Variants in CC2D1A observed in about 807,000 individuals in gnomAD.
The protein encoded by CC2D1A is coiled-coil and C2 domain-containing protein 1A.
CC2D1A carries 68 observed loss-of-function variants against 123.8 expected under a neutral mutation model. That is an observed-to-expected ratio of 0.55 (90% CI 0.45 to 0.67). The LOEUF is 0.67. Among genes scored for constraint, CC2D1A ranks in the 30% least tolerant of loss-of-function variants. The pLI, the probability that CC2D1A is intolerant of heterozygous loss-of-function variation, is 0.00. For synonymous variants in CC2D1A, 477 were observed against 528.0 expected (o/e 0.90, Z 1.32); for missense variants, 1,185 against 1,290.3 (o/e 0.92, Z 1.25).
Position 13,930,670 on chromosome 19 carries a change from G to T in CC2D1A, c.*275G>T. ...GGGTGTCCGGCCTCTGGCCCGCCCC[G>T]GAGCAGGGAGGGTGGCTGGGGCCAA... On this transcript the variant is annotated 3_prime_UTR_variant, in exon 29 of 29. Transcript: ENST00000318003. This position sits in a 1 kb window ranked among gnomAD's most constrained non-coding sequence, Gnocchi z 6.8. The T allele has an allele frequency of 2.0e-6, 1 of 503,394 alleles. No individual in the cohort carries two copies. Among genetic ancestry groups the T allele is most frequent in the Non-Finnish European group, 3.5e-6 (1 of 286,778 alleles). The allele number at this position is 503,394 out of a possible 1,614,324, so 31.2% of individuals were successfully genotyped here.
chr19:13,912,460 G>A (rs757909953), intron 3 of CC2D1A, 22 bp downstream of exon 3: 3 of 1,613,824 alleles, frequency 1.9e-6, no homozygotes, highest in South Asian at 2.2e-5. Flanking sequence ...GGGCGGGGTG[G>A]GGGCTCTGAT....
Position 13,918,923 on chromosome 19 carries a change from C to A in CC2D1A, c.1030C>A (p.Pro344Thr). 1.2e-6 allele frequency: 2 copies of A among 1,609,448 alleles called. No individual in the cohort carries two copies. Among genetic ancestry groups the A allele is most frequent in the Non-Finnish European group, 1.7e-6 (2 of 1,177,244 alleles). ...TAPSTTEVPP[P>T]PRTLLEALEQ... is the part of the protein sequence containing the mutation. ...CCTGTCCGGCCCAGAGGTGCCCCCA[C>A]CCCCGAGGACCCTGCTGGAGGCGCT... is the stretch of plus-strand genomic sequence containing the variant. Residue 344 changes from proline to threonine, a missense_variant, in exon 10 of 29, where the codon CCC (proline) becomes ACC (threonine). Coordinates refer to ENST00000318003, the MANE Select transcript of CC2D1A (RefSeq NM_017721.5).
intron 6 of CC2D1A, among the ~76,000 whole-genome samples, chr19:13,915,205 C>A (rs1356455872): frequency 1.3e-5 from 2 of 152,246 alleles, no homozygotes; most frequent in Non-Finnish European, 2.9e-5. Flanking sequence ...TAACAAAATT[C>A]TGTGTCTTCC....
intron 6 of CC2D1A, among the ~76,000 whole-genome samples, chr19:13,914,336 A>ATT (rs965698969): frequency 3.0e-5 from 4 of 135,292 alleles, no homozygotes; most frequent in Non-Finnish European, 3.2e-5. Context: ...CACTTGGCTA[A>ATT]TTTTTTTTTT....
intron 26 of CC2D1A, 72 bp downstream of exon 26, chr19:13,929,732 G>A: frequency 1.5e-6 from 1 of 682,834 alleles, no homozygotes; most frequent in South Asian, 1.8e-5. Context: ...GGTGCTCAGG[G>A]ATGCATATCT....
In CC2D1A at chr19:13,923,614, C is replaced by T; in HGVS notation, c.1823+8C>T. ...CATCACTGAAACCACCAAGTAAGTG[C>T]CCTGACCTGTGCCAGACACTTGCAC... On this transcript the variant is annotated splice_region_variant and intron_variant, in intron 16 of 28. Coordinates refer to ENST00000318003, the MANE Select transcript of CC2D1A (RefSeq NM_017721.5). The surrounding 1 kb of genome is among the most constrained non-coding windows in gnomAD (Gnocchi z 5.3). 3.7e-6 allele frequency: 6 copies of T among 1,614,112 alleles called. No homozygotes were observed. The highest frequency in any genetic ancestry group is 5.1e-6 in the Non-Finnish European group (6 of 1,179,950).
In CC2D1A at chr19:13,919,191, C is replaced by A; in HGVS notation, c.1211C>A (p.Pro404His). Residue 404 changes from proline to histidine, a missense_variant, in exon 11 of 29, where the codon CCC becomes CAC. By Grantham distance (77) the Pro-to-His change is moderately conservative. Coordinates refer to ENST00000318003, the MANE Select transcript of CC2D1A (RefSeq NM_017721.5). ...AGRAVDVAELPVPPGFPPIQG... is the reference protein window; with the variant it reads ...AGRAVDVAELHVPPGFPPIQG... ...CGAGCCGTGGATGTCGCTGAATTGCCCGTGCCCCCAGGTAGGCCTTGCCCC... is the reference window on the plus strand; with the variant it reads ...CGAGCCGTGGATGTCGCTGAATTGCACGTGCCCCCAGGTAGGCCTTGCCCC... The A allele has an allele frequency of 6.2e-7, 1 of 1,612,468 alleles. No homozygotes were observed. Among genetic ancestry groups the A allele is most frequent in the African/African-American group, 1.3e-5 (1 of 74,988 alleles).
intron 5 of CC2D1A, 37 bp from the exon 6 acceptor site, chr19:13,913,367 T>C: frequency 6.2e-7 from 1 of 1,609,098 alleles, no homozygotes; most frequent in Non-Finnish European, 8.5e-7. Flanking sequence ...ACCAAGCTCT[T>C]GGCTTCTCCC....
Position 13,926,994 on chromosome 19 carries a change from C to T in CC2D1A, c.2142C>T (p.Phe714=). 1.2e-6 allele frequency: 2 copies of T among 1,614,040 alleles called. No homozygotes were observed. Among genetic ancestry groups the T allele is most frequent in the Non-Finnish European group, 1.7e-6 (2 of 1,179,966 alleles). ...NTDSPEFKEQ[F]KLCINRSHRG... is the part of the protein sequence containing the mutation. ...CTCCTGCAGAGTTCAAGGAGCAGTT[C>T]AAACTCTGCATCAACCGCAGCCACC... The change falls in exon 21 of 29, where the codon TTC becomes TTT. Residue 714 remains phenylalanine (F), a synonymous_variant. Coordinates refer to ENST00000318003, the MANE Select transcript of CC2D1A (RefSeq NM_017721.5).
chr19:13,909,584 G>A, intron 1 of CC2D1A: 3 of 583,494 alleles, frequency 5.1e-6, no homozygotes, highest in Non-Finnish European at 9.7e-6. Flanking sequence ...CATAAGTGTG[G>A]ATTCAGATCA....
At chr19:13,910,034 G>C in intron 2 of CC2D1A, 76 bp downstream of exon 2, 2 of 1,370,854 alleles carry the variant, frequency 1.5e-6, no homozygotes, top group South Asian at 1.7e-5. Context: ...GGGGGCACTG[G>C]GTAGGTAGGG....
At chr19:13,911,966 C>G (rs959453485) in intron 2 of CC2D1A, among the ~76,000 whole-genome samples, 7 of 152,132 alleles carry the variant, frequency 4.6e-5, no homozygotes, top group African/African-American at 1.7e-4. Context: ...CCACCCGCCT[C>G]GGCCTCCCAA....
At chr19:13,907,988 G>T (rs1275115099) in intron 1 of CC2D1A, among the ~76,000 whole-genome samples, 1 of 152,082 alleles carries the variant, frequency 6.6e-6, no homozygotes, top group Non-Finnish European at 1.5e-5. Context: ...AACCTGCATT[G>T]TGGTTAGGGG....
In CC2D1A at chr19:13,912,529, C is replaced by T. The variant is rs192358667; in HGVS notation, c.314C>T (p.Ala105Val). The T allele has an allele frequency of 3.1e-4, 507 of 1,614,122 alleles. 2 individuals carry two copies. In the African/African-American group the frequency reaches 5.4e-3, roughly 17 times the overall value. The stretch of plus-strand genomic sequence containing the variant: ...TGCCCTGGCTGTGTGTCCCTGCAGG[C>T]GGAGCTAAATGAGGTCCTTGGAGAG... ...DDLEADDDLL[A>V]ELNEVLGEEQ... is the part of the protein sequence containing the mutation. Residue 105 changes from alanine to valine, a missense_variant and splice_region_variant, in exon 4 of 29, where the codon GCG becomes GTG. Ala to Val is a moderately conservative substitution (Grantham distance 64). Transcript: ENST00000318003.
intron 24 of CC2D1A, among the ~76,000 whole-genome samples, chr19:13,928,942 C>G (rs1302987618): frequency 6.6e-6 from 1 of 151,740 alleles, no homozygotes; most frequent in African/African-American, 2.4e-5. Context: ...CTCCCGACCT[C>G]AGGTGATCTG....
rs1312729810 is a variant in CC2D1A, at chr19:13,920,675, TC to T, written c.1468+12del. 16 of 1,605,576 alleles carry T rather than the reference TC, an allele frequency of 1.0e-5. No homozygotes were observed. The highest frequency in any genetic ancestry group is 3.4e-5 in the Admixed American group (2 of 58,742). On this transcript the variant is annotated splice_region_variant and intron_variant, in intron 13 of 28. Transcript: ENST00000318003. Reference sequence around the variant, plus strand: ...AAAGCCACATCCACCAGAGGTAAGTTCCCCCTCCCCGCCCCAGCTGCCTGTT... The same window carrying T: ...AAAGCCACATCCACCAGAGGTAAGTTCCCCTCCCCGCCCCAGCTGCCTGTT...
Position 13,923,533 on chromosome 19 carries a change from C to T in CC2D1A, c.1765-15C>T, listed in dbSNP as rs2145350610. 6.2e-7 allele frequency: 1 copy of T among 1,614,156 alleles called. No individual in the cohort carries two copies. The highest frequency in any genetic ancestry group is 2.2e-5 in the East Asian group (1 of 44,876). On this transcript the variant is annotated splice_polypyrimidine_tract_variant and intron_variant, in intron 15 of 28. Coordinates refer to ENST00000318003, the MANE Select transcript of CC2D1A (RefSeq NM_017721.5). The surrounding 1 kb of genome is among the most constrained non-coding windows in gnomAD (Gnocchi z 5.3). ...CTCTTCCCTTCCCTCGACTCACTGC[C>T]TTCTGTTTCCCCAGATGTGCCTGAA...
chr19:13,929,719 G>A, intron 26 of CC2D1A, 59 bp downstream of exon 26: 1 of 1,203,158 alleles, frequency 8.3e-7, no homozygotes, highest in Non-Finnish European at 1.1e-6. Context: ...GCATGGGGGG[G>A]GAGGTGCTCA....
At chr19:13,919,278 G>A (rs1971324802) in intron 11 of CC2D1A, 76 bp downstream of exon 11, 4 of 1,188,352 alleles carry the variant, frequency 3.4e-6, no homozygotes, top group Admixed American at 2.4e-5. Context: ...CCCCGCCGCT[G>A]GCAGGCTGTG....
Sources: allele counts gnomAD v4.1 joint callset (sites outside exome capture counted in the v4.1 genomes callset), GRCh38; gene constraint gnomAD v4.1.1; non-coding constraint Gnocchi (gnomAD v3.1); transcripts MANE v1.5; gene names NCBI Gene and HGNC (gene_info 2026-07-23, HGNC 2026-07-21).